Variants in TFB1M observed in about 807,000 individuals in gnomAD.
TFB1M encodes the protein transcription factor B1, mitochondrial.
Under a neutral mutation model 31.1 loss-of-function variants are expected in TFB1M, and 27 were observed. That is an observed-to-expected ratio of 0.87 (90% confidence interval 0.64 to 1.20). The LOEUF is 1.20. TFB1M is among the 50% of genes most tolerant of loss of function. The pLI is 0.00. For missense variants in TFB1M, 394 were observed against 418.7 expected (o/e 0.94, Z 0.51); for synonymous variants, 166 against 151.8 (o/e 1.09, Z -0.69).
intron 3 of TFB1M, among the ~76,000 whole-genome samples, chr6:155,297,712 C>T (rs185659136): frequency 5.9e-5 from 9 of 152,276 alleles, no homozygotes; most frequent in Admixed American, 5.2e-4. Flanking sequence ...AGAAATCCTC[C>T]GGAAGACTAT....
In TFB1M at chr6:155,257,218, A is replaced by C. The variant is rs1170852203; in HGVS notation, c.*618T>G. 3 of 1,268,516 alleles carry C rather than the reference A, an allele frequency of 2.4e-6. No individual in the cohort carries two copies. The East Asian group carries it at 7.4e-5, about 31-fold the overall frequency. 78.6% of individuals were successfully genotyped at this position (1,268,516 alleles called of 1,614,324 possible). On this transcript the variant is annotated 3_prime_UTR_variant, in exon 7 of 7. Transcript: ENST00000367166. Reference sequence around the variant, plus strand: ...AAAAAAAAAAAAAAAAAAACTGTTCATTCCTGGGTTTTGTGCAGTATACAT... The same window carrying C: ...AAAAAAAAAAAAAAAAAAACTGTTCCTTCCTGGGTTTTGTGCAGTATACAT...
chr6:155,245,486 TG>T, the TFB1M span: 1 of 699,122 alleles, frequency 1.4e-6, no homozygotes, highest in Non-Finnish European at 2.4e-6. Context: ...ACCTCCTGTG[TG>T]GATGGAGCAG....
Position 155,298,558 on chromosome 6 carries a change from G to A in TFB1M, c.313C>T (p.Leu105=), listed in dbSNP as rs1777287618. Residue 105 remains leucine (L), a synonymous_variant, in exon 3 of 7, where the codon CTG becomes TTG. Coordinates refer to ENST00000367166, the MANE Select transcript of TFB1M (RefSeq NM_016020.4). The stretch of plus-strand genomic sequence containing the variant: ...AAGACATCTCCATGAACAATTCTCA[G>A]TTTCCCAGGTGCTGCATCAGAAAGC... The part of the protein sequence containing the change: ...QMLSDAAPGK[L]RIVHGDVLTF... The A allele has an allele frequency of 6.2e-7, 1 of 1,612,792 alleles. No individual in the cohort carries two copies. The highest frequency in any genetic ancestry group is 1.1e-5 in the South Asian group (1 of 91,064).
At chr6:155,287,405 G>A (rs886097410) in intron 4 of TFB1M, among the ~76,000 whole-genome samples, 6 of 151,982 alleles carry the variant, frequency 3.9e-5, no homozygotes, top group South Asian at 4.2e-4. Flanking sequence ...ACATGTGAAC[G>A]AAAAAATAAA....
At chr6:155,266,755 G>A (rs530920265) in intron 5 of TFB1M, among the ~76,000 whole-genome samples, 3 of 150,030 alleles carry the variant, frequency 2.0e-5, no homozygotes, top group Non-Finnish European at 4.4e-5. Context: ...GCTGAGGCAG[G>A]AGAATGGCGT....
chr6:155,298,655 C>A, intron 2 of TFB1M, 70 bp from the exon 3 acceptor site: 2 of 1,054,720 alleles, frequency 1.9e-6, no homozygotes, highest in Non-Finnish European at 3.0e-6. Flanking sequence ...ACTTTTTAAA[C>A]CTGTGCATTT....
chr6:155,264,531 C>T (rs114549131), intron 5 of TFB1M, among the ~76,000 whole-genome samples: 1,797 of 152,312 alleles, frequency 0.012, 38 homozygotes, highest in African/African-American at 0.038. Flanking sequence ...ATCAACTACA[C>T]GGTCAGTACC....
chr6:155,269,475 C>G (rs1332629596), intron 5 of TFB1M, among the ~76,000 whole-genome samples: 1 of 152,030 alleles, frequency 6.6e-6, no homozygotes, highest in Non-Finnish European at 1.5e-5. Context: ...GCATGTGCCA[C>G]TACGCCTGGC....
Position 155,312,143 on chromosome 6 carries a change from AT to A in TFB1M, c.134-805del, listed in dbSNP as rs1778042306. 2.0e-5 allele frequency among the ~76,000 whole-genome samples: 3 copies of A among 152,290 alleles called. No individual in the cohort carries two copies. In the South Asian group the frequency reaches 6.2e-4, roughly 32 times the overall value. ...AACTGGTCTTCCTAGGATAGTGGAA[AT>A]TTAGTCACTAAAAACATACCAGCAC... is the stretch of plus-strand genomic sequence containing the variant. On this transcript the variant is annotated intron_variant, in intron 1 of 6. Coordinates refer to ENST00000367166, the MANE Select transcript of TFB1M (RefSeq NM_016020.4).
At chr6:155,254,415 C>A (rs768672745), downstream of TFB1M, 2 of 1,610,910 alleles carry the variant, frequency 1.2e-6, no homozygotes, top group Non-Finnish European at 1.7e-6. Context: ...CCCCCCCCAC[C>A]CAGTGACAGT....
intron 1 of TFB1M, chr6:155,313,227 A>T: frequency 6.6e-6 from 1 of 152,284 alleles, no homozygotes; most frequent in Non-Finnish European, 1.5e-5. Flanking sequence ...AGCTTGGGCA[A>T]CAAGAGTGAA....
chr6:155,245,954 C>T, the TFB1M span, among the ~76,000 whole-genome samples: 14 of 152,060 alleles, frequency 9.2e-5, no homozygotes, highest in African/African-American at 3.4e-4. Flanking sequence ...TGTTGCTTTG[C>T]CATGTGTCAC....
At chr6:155,237,289 G>A in the TFB1M span, among the ~76,000 whole-genome samples, 19 of 152,246 alleles carry the variant, frequency 1.2e-4, no homozygotes, top group Non-Finnish European at 2.1e-4. Context: ...GATGCAAGAG[G>A]TGGGTTCTCA....
At chr6:155,291,400 G>T (rs972521992) in intron 4 of TFB1M, among the ~76,000 whole-genome samples, 2 of 152,190 alleles carry the variant, frequency 1.3e-5, no homozygotes, top group African/African-American at 4.8e-5. Flanking sequence ...AGAAAACTCA[G>T]CATGGGCCCA....
chr6:155,241,341 TG>T, the TFB1M span, among the ~76,000 whole-genome samples: 1 of 152,222 alleles, frequency 6.6e-6, no homozygotes, highest in African/African-American at 2.4e-5. Context: ...CTTTGTTTCC[TG>T]GAGCTTTGGT....
At chr6:155,299,139 A>T (rs1215594346) in intron 2 of TFB1M, among the ~76,000 whole-genome samples, 1 of 152,140 alleles carries the variant, frequency 6.6e-6, no homozygotes, top group Admixed American at 6.5e-5. Context: ...TGACCAGAGC[A>T]TCCCTAATCT....
At chr6:155,252,957 T>G, downstream of TFB1M, 1 of 1,613,976 alleles carries the variant, frequency 6.2e-7, no homozygotes, top group Non-Finnish European at 8.5e-7. Flanking sequence ...GCCCTCGAAT[T>G]CCCGGCCTGC....
At chr6:155,283,129 A>G (rs1375918921) in intron 5 of TFB1M, among the ~76,000 whole-genome samples, 1 of 152,184 alleles carries the variant, frequency 6.6e-6, no homozygotes, top group Non-Finnish European at 1.5e-5. Context: ...TGGTAAAACT[A>G]CTTCAAAGCA....
Position 155,298,560 on chromosome 6 carries a change from T to G in TFB1M, c.311A>C (p.Lys104Thr), listed in dbSNP as rs1198517782. 3 of 1,613,022 alleles carry G rather than the reference T, an allele frequency of 1.9e-6. No individual in the cohort carries two copies. In the South Asian group the frequency reaches 3.3e-5, roughly 18 times the overall value. ...LQMLSDAAPG[K>T]LRIVHGDVLT... ...GACATCTCCATGAACAATTCTCAGT[T>G]TCCCAGGTGCTGCATCAGAAAGCAT... The change falls in exon 3 of 7, where the codon AAA (lysine) becomes ACA (threonine). Residue 104 changes from lysine (K) to threonine (T), a missense_variant. Coordinates refer to ENST00000367166, the MANE Select transcript of TFB1M (RefSeq NM_016020.4).
Sources: gnomAD v4.1 joint callset for allele counts (sites outside exome capture counted in the v4.1 genomes callset) on GRCh38, gnomAD v4.1.1 for gene constraint, MANE v1.5 for transcripts, NCBI Gene and HGNC (gene_info 2026-07-23, HGNC 2026-07-21) for gene names.